The following MLLT3 variants were observed in gnomAD, a reference collection of about 807,000 sequenced individuals.
MLLT3 encodes the protein protein AF-9.
Under a neutral mutation model 53.2 loss-of-function variants are expected in MLLT3, and 4 were observed. That is an observed-to-expected ratio of 0.08 (90% CI 0.04 to 0.17). MLLT3 has a LOEUF of 0.17. Among genes scored for constraint, MLLT3 ranks in the 10% least tolerant of loss-of-function variants. MLLT3 has a pLI of 1.00. For missense variants in MLLT3, 569 were observed against 684.0 expected (o/e 0.83, Z 1.87); for synonymous variants, 283 against 230.6 (o/e 1.23, Z -2.06).
At chr9:20,603,472 T>C in intron 2 of MLLT3, among the ~76,000 whole-genome samples, 1 of 152,088 alleles carries the variant, frequency 6.6e-6, no homozygotes, top group Middle Eastern at 3.2e-3. Context: ...TGCATTAACA[T>C]ACAACAAAAT....
intron 2 of MLLT3, among the ~76,000 whole-genome samples, chr9:20,530,827 C>A (rs1818314278): frequency 6.6e-6 from 1 of 152,108 alleles, no homozygotes; most frequent in Middle Eastern, 3.2e-3. Context: ...AATGGGGTTT[C>A]ACTATGTTGG....
chr9:20,446,974 T>TA (rs1276798372), intron 4 of MLLT3, among the ~76,000 whole-genome samples: 12 of 152,098 alleles, frequency 7.9e-5, no homozygotes, highest in Non-Finnish European at 1.5e-4. Context: ...TGAAATATGG[T>TA]AAAAGTACTT....
chr9:20,402,136 A>T (rs1249143694), intron 5 of MLLT3, among the ~76,000 whole-genome samples: 1 of 152,214 alleles, frequency 6.6e-6, no homozygotes, highest in East Asian at 1.9e-4. Context: ...GGTATAACAG[A>T]GTCAAGGAAT....
At chr9:20,480,403 T>C (rs1488552894) in intron 2 of MLLT3, among the ~76,000 whole-genome samples, 1 of 152,190 alleles carries the variant, frequency 6.6e-6, no homozygotes, top group East Asian at 1.9e-4. Context: ...CTTCCAGTTC[T>C]GGAAGTTTCT....
rs1474244215 is a variant in MLLT3 at position 20,354,868 on chromosome 9, C to T, written c.1443G>A (p.Val481=). Residue 481 remains valine, a synonymous_variant, in exon 9 of 11, where the codon GTG becomes GTA. Coordinates refer to ENST00000380338, the MANE Select transcript of MLLT3 (RefSeq NM_004529.4). ...LKTNNNQILE[V]KSPIKQSKSD... is the part of the protein sequence containing the mutation. ...ATTTGCTTTGCTTTATTGGACTTTTCACTTCAAGAATCTAGGGATCAAAGA... is the reference window on the plus strand; with the variant it reads ...ATTTGCTTTGCTTTATTGGACTTTTTACTTCAAGAATCTAGGGATCAAAGA... 1.9e-6 allele frequency: 3 copies of T among 1,611,734 alleles called. No homozygotes were observed. The highest frequency in any genetic ancestry group is 2.5e-6 in the Non-Finnish European group (3 of 1,178,238).
At chr9:20,519,351 T>C (rs971071808) in intron 2 of MLLT3, among the ~76,000 whole-genome samples, 20 of 152,206 alleles carry the variant, frequency 1.3e-4, no homozygotes, top group Admixed American at 3.9e-4. Flanking sequence ...CTCTATACTA[T>C]GAAACTTTTC....
At chr9:20,389,740 G>T (rs1050518194) in intron 5 of MLLT3, among the ~76,000 whole-genome samples, 1 of 152,078 alleles carries the variant, frequency 6.6e-6, no homozygotes, top group African/African-American at 2.4e-5. Flanking sequence ...CGACCACACC[G>T]CTGACTCCAG....
chr9:20,619,596 T>C (rs1393249683), intron 2 of MLLT3, among the ~76,000 whole-genome samples: 1 of 152,234 alleles, frequency 6.6e-6, no homozygotes, highest in Non-Finnish European at 1.5e-5. Context: ...AACCATTGTG[T>C]CGACTTAGAT....
intron 2 of MLLT3, among the ~76,000 whole-genome samples, chr9:20,606,028 G>A (rs1820555382): frequency 6.6e-6 from 1 of 152,118 alleles, no homozygotes; most frequent in East Asian, 1.9e-4. Flanking sequence ...TCACTTTAGG[G>A]ACTTAAACCA....
chr9:20,359,791 T>G (rs1821270883), intron 8 of MLLT3, among the ~76,000 whole-genome samples: 1 of 152,220 alleles, frequency 6.6e-6, no homozygotes, highest in African/African-American at 2.4e-5. Flanking sequence ...GTTTTCAAGT[T>G]AATATTCGTA....
intron 2 of MLLT3, among the ~76,000 whole-genome samples, chr9:20,565,938 TTATATATATATATATTTATATATATA>T (rs1380328170): frequency 1.6e-4 from 2 of 12,570 alleles, no homozygotes; most frequent in Non-Finnish European, 3.5e-4. Context: ...ATATATATAT[TTATATATATATATATTTATATATATA>T]TATTTATATA....
intron 2 of MLLT3, among the ~76,000 whole-genome samples, chr9:20,578,155 G>C (rs1819702131): frequency 6.6e-6 from 1 of 152,140 alleles, no homozygotes; most frequent in South Asian, 2.1e-4. Flanking sequence ...ACAACAATTT[G>C]GAGGATCTGT....
At position 20,360,732 on chromosome 9, in the gene MLLT3, C is replaced by G; in HGVS notation, c.1431+10G>C. On this transcript the variant is annotated intron_variant, in intron 8 of 10. Transcript: ENST00000380338. The stretch of plus-strand genomic sequence containing the variant: ...GCAGAGTCTTGCAAAGTGCAAACCC[C>G]ACAATTTACCTGGTTGTTGTTGGTT... 6.2e-7 allele frequency: 1 copy of G among 1,610,990 alleles called. No individual in the cohort carries two copies. The highest frequency in any genetic ancestry group is 8.5e-7 in the Non-Finnish European group (1 of 1,177,140).
chr9:20,543,927 G>A (rs181279752), intron 2 of MLLT3, among the ~76,000 whole-genome samples: 24 of 148,188 alleles, frequency 1.6e-4, no homozygotes, highest in Admixed American at 1.2e-3. Flanking sequence ...TCTGCAAAGC[G>A]TAATAAAGTG....
intron 2 of MLLT3, among the ~76,000 whole-genome samples, chr9:20,602,552 A>C (rs7852677): frequency 0.31 from 46,319 of 151,814 alleles, 7,465 homozygotes; most frequent in South Asian, 0.41. Flanking sequence ...CAAACACCTA[A>C]CCCATATAGT....
intron 2 of MLLT3, among the ~76,000 whole-genome samples, chr9:20,615,874 G>GAAAAAAA (rs10579863): frequency 7.5e-6 from 1 of 132,612 alleles, no homozygotes; most frequent in East Asian, 2.2e-4. Context: ...AAAGAGATTT[G>GAAAAAAA]AAAAAAAAAA....
chr9:20,620,876 G>A lies in MLLT3; in HGVS notation c.13-42C>T, dbSNP rs780662252. ...GAGAGACAGCCGTGAATAACAGGAA[G>A]GCGAGGTTTCGGCAGTGAACGTTGC... On this transcript the variant is annotated intron_variant, in intron 1 of 10. Transcript: ENST00000380338. The surrounding 1 kb of genome is among the most constrained non-coding windows in gnomAD (Gnocchi z 6.1). 3.1e-6 allele frequency: 5 copies of A among 1,608,982 alleles called. No individual in the cohort carries two copies. The African/African-American group carries it at 6.7e-5, about 21-fold the overall frequency.
chr9:20,504,791 A>C (rs1284390442), intron 2 of MLLT3, among the ~76,000 whole-genome samples: 1 of 152,210 alleles, frequency 6.6e-6, no homozygotes, highest in Non-Finnish European at 1.5e-5. Flanking sequence ...AATTAGCTCA[A>C]TTTGGCCATT....
chr9:20,578,308 C>G (rs1819706985), intron 2 of MLLT3, among the ~76,000 whole-genome samples: 1 of 152,162 alleles, frequency 6.6e-6, no homozygotes, highest in African/African-American at 2.4e-5. Flanking sequence ...TCACTCTGAA[C>G]TAACATCTAT....
Sources: gnomAD v4.1 joint callset for allele counts (sites outside exome capture counted in the v4.1 genomes callset) on GRCh38, gnomAD v4.1.1 for gene constraint, Gnocchi (gnomAD v3.1) non-coding constraint, MANE v1.5 for transcripts, NCBI Gene and HGNC (gene_info 2026-07-23, HGNC 2026-07-21) for gene names.